Variants in PARD3B observed in about 807,000 individuals in gnomAD.
PARD3B encodes the protein par-3 family cell polarity regulator beta.
PARD3B carries 103 observed loss-of-function variants against 130.2 expected under a neutral mutation model. The ratio of observed to expected loss-of-function variants is 0.79; its 90% CI spans 0.67 to 0.93. The LOEUF (loss-of-function observed/expected upper bound fraction) is 0.93, where lower values mean the gene tolerates loss of function less well. Among genes scored for constraint, PARD3B ranks in the 40% least tolerant of loss-of-function variants. The pLI, the probability that PARD3B is intolerant of heterozygous loss-of-function variation, is 0.00. For synonymous variants in PARD3B, 583 were observed against 553.2 expected (o/e 1.05, Z -0.76); for missense variants, 1,609 against 1,499.2 (o/e 1.07, Z -1.21).
rs150766581 is a variant in PARD3B at position 204,603,450 on chromosome 2, G to C, written c.120+57331G>C. Among the ~76,000 whole-genome samples the C allele has an allele frequency of 6.8e-3, 1,032 of 152,190 alleles. 10 individuals carry two copies. Among genetic ancestry groups the C allele is most frequent in the African/African-American group, 0.023 (937 of 41,542 alleles). Reference sequence around the variant, plus strand: ...TCTCTACTGGGGCAAGTTAAGTACTGAGAAGTAAAGTAATCCACAAAGTCA... The same window carrying C: ...TCTCTACTGGGGCAAGTTAAGTACTCAGAAGTAAAGTAATCCACAAAGTCA... On this transcript the variant is annotated intron_variant, in intron 1 of 22. Transcript: ENST00000406610.
chr2:204,719,822 AAAT>A (rs1559086513), intron 2 of PARD3B, among the ~76,000 whole-genome samples: 1 of 152,222 alleles, frequency 6.6e-6, no homozygotes, highest in African/African-American at 2.4e-5. Flanking sequence ...AAATTATAGG[AAAT>A]AAATAATCAT....
intron 2 of PARD3B, among the ~76,000 whole-genome samples, chr2:204,713,834 GT>G (rs58274605): frequency 0.82 from 123,874 of 151,822 alleles, 50,828 homozygotes; most frequent in Middle Eastern, 0.91. Context: ...GTTGCCTTGT[GT>G]TTTTTTTCTG....
At chr2:204,762,765 T>C (rs531765993) in intron 2 of PARD3B, among the ~76,000 whole-genome samples, 4 of 148,992 alleles carry the variant, frequency 2.7e-5, no homozygotes, top group Admixed American at 6.6e-5. Flanking sequence ...CTTTTTCTTT[T>C]TTTTTTTTTT....
intron 15 of PARD3B, among the ~76,000 whole-genome samples, chr2:205,225,738 G>A (rs1036356127): frequency 9.9e-5 from 15 of 152,052 alleles, no homozygotes; most frequent in African/African-American, 2.9e-4. Flanking sequence ...GGAAAGTGCC[G>A]CACACTTTTA....
chr2:205,206,425 T>A (rs2037314545), intron 15 of PARD3B, among the ~76,000 whole-genome samples: 1 of 143,298 alleles, frequency 7.0e-6, no homozygotes, highest in South Asian at 2.4e-4. Flanking sequence ...GTCCATGTGA[T>A]CTCATTGTTC....
intron 2 of PARD3B, among the ~76,000 whole-genome samples, chr2:204,698,620 C>T (rs1461490196): frequency 6.6e-6 from 1 of 151,594 alleles, no homozygotes; most frequent in Non-Finnish European, 1.5e-5. Context: ...CATAAACGCT[C>T]ATTATTTCTA....
intron 2 of PARD3B, among the ~76,000 whole-genome samples, chr2:204,918,749 G>C (rs999738421): frequency 6.6e-6 from 1 of 151,944 alleles, no homozygotes; most frequent in Admixed American, 6.6e-5. Flanking sequence ...TGTTCTTTTT[G>C]AGGGATTTGG....
At position 204,943,073 on chromosome 2, in the gene PARD3B, A is replaced by C. The variant is rs2125806533; in HGVS notation, c.223-22079A>C. On this transcript the variant is annotated intron_variant, in intron 2 of 22. Coordinates refer to ENST00000406610, the MANE Select transcript of PARD3B (RefSeq NM_001302769.2). The surrounding 1 kb of genome is among the most constrained non-coding windows in gnomAD (Gnocchi z 4.2). The stretch of plus-strand genomic sequence containing the variant: ...AAGAAAGACTTTGTGTAAAAAGACA[A>C]GAAAGACTTTGTGTAAATACACCTC... Among the ~76,000 whole-genome samples the C allele has an allele frequency of 6.6e-6, 1 of 152,286 alleles. No homozygotes were observed. The highest frequency in any genetic ancestry group is 2.4e-5 in the African/African-American group (1 of 41,560).
chr2:204,869,156 T>G (rs78578260), intron 2 of PARD3B, among the ~76,000 whole-genome samples: 16,372 of 152,194 alleles, frequency 0.11, 1,055 homozygotes, highest in East Asian at 0.21. Context: ...AGGTATTATA[T>G]GTATGATTTT....
chr2:205,100,086 T>C (rs1702655862), intron 4 of PARD3B, among the ~76,000 whole-genome samples: 1 of 152,160 alleles, frequency 6.6e-6, no homozygotes, highest in African/African-American at 2.4e-5. Flanking sequence ...CTTGTTGATA[T>C]GAATAGAATC....
intron 21 of PARD3B, among the ~76,000 whole-genome samples, chr2:205,523,424 A>G (rs1395943262): frequency 6.6e-6 from 1 of 151,520 alleles, no homozygotes; most frequent in African/African-American, 2.4e-5. Context: ...TTGTCTTTTT[A>G]ATAGAGACGG....
chr2:205,547,782 A>G (rs527390885), intron 21 of PARD3B, among the ~76,000 whole-genome samples: 5 of 152,326 alleles, frequency 3.3e-5, no homozygotes, highest in African/African-American at 1.2e-4. Context: ...CAGTCTTGCC[A>G]TAATAAACAG....
intron 2 of PARD3B, among the ~76,000 whole-genome samples, chr2:204,753,419 A>T (rs766497090): frequency 6.6e-6 from 1 of 152,164 alleles, no homozygotes; most frequent in Non-Finnish European, 1.5e-5. Context: ...TATAGCTAAA[A>T]ATACTGCAGG....
chr2:205,533,820 G>A (rs765056031), intron 21 of PARD3B, among the ~76,000 whole-genome samples: 18 of 152,062 alleles, frequency 1.2e-4, no homozygotes, highest in South Asian at 2.1e-4. Flanking sequence ...CTCAACCTCC[G>A]GGGCTCAAGC....
chr2:204,953,127 G>C (rs1191908712), intron 2 of PARD3B, among the ~76,000 whole-genome samples: 1 of 150,492 alleles, frequency 6.6e-6, no homozygotes, highest in African/African-American at 2.4e-5. Context: ...AGTTTAAACA[G>C]CATATAATTT....
chr2:204,688,776 G>A (rs17595217), intron 2 of PARD3B, among the ~76,000 whole-genome samples: 8,311 of 152,052 alleles, frequency 0.055, 655 homozygotes, highest in African/African-American at 0.17. Flanking sequence ...TGACATATCA[G>A]TCTCACTCAG....
At chr2:204,961,321 C>T (rs991623437) in intron 2 of PARD3B, among the ~76,000 whole-genome samples, 10 of 152,110 alleles carry the variant, frequency 6.6e-5, no homozygotes, top group African/African-American at 2.4e-4. Context: ...AAAGTGGTGA[C>T]ACTGGAGGTG....
intron 21 of PARD3B, among the ~76,000 whole-genome samples, chr2:205,511,030 T>C (rs1421617327): frequency 1.3e-5 from 2 of 152,226 alleles, no homozygotes; most frequent in East Asian, 3.8e-4. Context: ...ATGGCTGGTG[T>C]TGAGATACTT....
intron 18 of PARD3B, 83 bp from the exon 19 acceptor site, chr2:205,400,930 T>C (rs2046229873): frequency 2.1e-6 from 2 of 936,136 alleles, no homozygotes; most frequent in East Asian, 5.3e-5. Flanking sequence ...TATGACTTAA[T>C]GAGCTCATCC....
Sources: gnomAD v4.1 joint callset for allele counts (sites outside exome capture counted in the v4.1 genomes callset) on GRCh38, gnomAD v4.1.1 for gene constraint, Gnocchi (gnomAD v3.1) non-coding constraint, MANE v1.5 for transcripts, NCBI Gene and HGNC (gene_info 2026-07-23, HGNC 2026-07-21) for gene names.